Variants in DSCAM observed in about 807,000 individuals in gnomAD.
The protein encoded by DSCAM is DS cell adhesion molecule.
In DSCAM, 47 loss-of-function variants were observed where a neutral mutation model predicts 217.7. That is an observed-to-expected ratio of 0.22 (90% CI 0.17 to 0.28). DSCAM has a LOEUF of 0.28. Among genes scored for constraint, DSCAM ranks in the 10% least tolerant of loss-of-function variants. The pLI is 1.00. For synonymous variants in DSCAM, 1,056 were observed against 1,015.3 expected (o/e 1.04, Z -0.76); for missense variants, 2,080 against 2,618.3 (o/e 0.79, Z 4.49).
intron 18 of DSCAM, among the ~76,000 whole-genome samples, chr21:40,142,178 C>T (rs2090299440): frequency 6.6e-6 from 1 of 152,136 alleles, no homozygotes; most frequent in Non-Finnish European, 1.5e-5. Context: ...TAACGTTTCC[C>T]CGCGGAGTTC....
chr21:40,064,562 G>A (rs1290587212), intron 27 of DSCAM, among the ~76,000 whole-genome samples: 1 of 152,112 alleles, frequency 6.6e-6, no homozygotes, highest in East Asian at 1.9e-4. Flanking sequence ...CCAAGGCTAA[G>A]GTCTTTCACA....
intron 32 of DSCAM, among the ~76,000 whole-genome samples, chr21:40,040,788 A>C (rs994119200): frequency 2.0e-5 from 3 of 152,252 alleles, no homozygotes; most frequent in African/African-American, 7.2e-5. Context: ...ACTGAAGCTG[A>C]GAACGCCTAT....
chr21:40,809,919 T>G (rs1320479734), intron 1 of DSCAM, among the ~76,000 whole-genome samples: 1 of 152,146 alleles, frequency 6.6e-6, no homozygotes, highest in Non-Finnish European at 1.5e-5. Flanking sequence ...TAGCTACAGA[T>G]CCAGCAAGTC....
At chr21:40,599,176 T>C (rs1026668711) in intron 3 of DSCAM, among the ~76,000 whole-genome samples, 7 of 152,210 alleles carry the variant, frequency 4.6e-5, no homozygotes, top group East Asian at 1.9e-4. Context: ...AATTGTTCAA[T>C]TGTGTCTTTT....
At chr21:40,292,298 T>A (rs569708515) in intron 10 of DSCAM, among the ~76,000 whole-genome samples, 6 of 151,484 alleles carry the variant, frequency 4.0e-5, no homozygotes, top group African/African-American at 1.5e-4. Context: ...AACTGTTGCA[T>A]CTCTCAAGGA....
intron 18 of DSCAM, among the ~76,000 whole-genome samples, chr21:40,139,099 GGTGTGGT>G (rs976201135): frequency 4.9e-5 from 7 of 142,940 alleles, no homozygotes; most frequent in East Asian, 4.2e-4. Flanking sequence ...TGGGATGTGT[GGTGTGGT>G]GTGTGGTGTG....
chr21:40,120,187 T>C (rs1437409772), intron 20 of DSCAM, among the ~76,000 whole-genome samples: 1 of 152,180 alleles, frequency 6.6e-6, no homozygotes, highest in Non-Finnish European at 1.5e-5. Context: ...CAGCAACATT[T>C]ATTGAGCACC....
At chr21:40,706,343 C>T (rs2090717866) in intron 2 of DSCAM, among the ~76,000 whole-genome samples, 2 of 152,148 alleles carry the variant, frequency 1.3e-5, no homozygotes, top group Non-Finnish European at 2.9e-5. Flanking sequence ...TGAAGTGGCC[C>T]ACCTGCATTC....
At chr21:40,284,345 G>T (rs1292492971) in intron 10 of DSCAM, among the ~76,000 whole-genome samples, 1 of 152,138 alleles carries the variant, frequency 6.6e-6, no homozygotes, top group Middle Eastern at 3.2e-3. Flanking sequence ...TTCCACCACT[G>T]TGCAGGTAAT....
intron 1 of DSCAM, among the ~76,000 whole-genome samples, chr21:40,815,090 C>T (rs913466326): frequency 2.6e-5 from 4 of 152,256 alleles, no homozygotes; most frequent in East Asian, 1.9e-4. Context: ...GCAGTGACAG[C>T]TGACAGGGTA....
chr21:40,050,648 A>T (rs1687299397), intron 30 of DSCAM, among the ~76,000 whole-genome samples: 1 of 151,976 alleles, frequency 6.6e-6, no homozygotes, highest in African/African-American at 2.4e-5. Flanking sequence ...AGGCCGGCTA[A>T]TTTTTCTTAT....
intron 3 of DSCAM, among the ~76,000 whole-genome samples, chr21:40,585,067 T>A (rs1459123147): frequency 6.6e-6 from 1 of 152,062 alleles, no homozygotes; most frequent in Non-Finnish European, 1.5e-5. Context: ...GGAGGCCATG[T>A]CACCTTGCCT....
chr21:40,114,851 A>C (rs1000601835), intron 20 of DSCAM, among the ~76,000 whole-genome samples: 7 of 152,218 alleles, frequency 4.6e-5, no homozygotes, highest in Non-Finnish European at 7.3e-5. Context: ...ATGCAAATCA[A>C]AACCACAATG....
chr21:40,280,207 G>C (rs769089567), intron 10 of DSCAM, among the ~76,000 whole-genome samples: 1 of 133,888 alleles, frequency 7.5e-6, no homozygotes. Context: ...TTTGAGACAG[G>C]GTCTTGCTCT....
chr21:40,584,392 G>A (rs1428057170), intron 3 of DSCAM, among the ~76,000 whole-genome samples: 1 of 152,214 alleles, frequency 6.6e-6, no homozygotes, highest in African/African-American at 2.4e-5. Flanking sequence ...AAGCTGGAGT[G>A]TTATCAGAAT....
intron 11 of DSCAM, among the ~76,000 whole-genome samples, chr21:40,213,061 A>G (rs1371306595): frequency 1.3e-5 from 2 of 152,250 alleles, no homozygotes; most frequent in Non-Finnish European, 2.9e-5. Context: ...TGTCTGTGAG[A>G]GAAGAAACGT....
intron 1 of DSCAM, among the ~76,000 whole-genome samples, chr21:40,775,038 T>G (rs1192192182): frequency 6.6e-6 from 1 of 151,988 alleles, no homozygotes; most frequent in African/African-American, 2.4e-5. Context: ...TCTGACCCCT[T>G]GTTGGGTTTG....
At chr21:40,403,393 G>C (rs1465269857) in intron 3 of DSCAM, among the ~76,000 whole-genome samples, 1 of 151,804 alleles carries the variant, frequency 6.6e-6, no homozygotes, top group East Asian at 1.9e-4. Context: ...TGCCTCCTGG[G>C]CTCAAGTGAT....
intron 3 of DSCAM, among the ~76,000 whole-genome samples, chr21:40,653,851 C>T (rs182839015): frequency 1.7e-4 from 26 of 152,272 alleles, no homozygotes; most frequent in African/African-American, 6.0e-4. Context: ...AATCCCAGCA[C>T]TTTGGGAGGC....
Sources: gnomAD v4.1 joint callset for allele counts (sites outside exome capture counted in the v4.1 genomes callset) on GRCh38, gnomAD v4.1.1 for gene constraint, MANE v1.5 for transcripts, NCBI Gene and HGNC (gene_info 2026-07-23, HGNC 2026-07-21) for gene names.